Variants in GIPC3 observed in about 807,000 individuals in gnomAD.
GIPC3 encodes the protein PDZ domain-containing protein GIPC3.
A neutral mutation model predicts 27.3 loss-of-function variants in GIPC3; 16 were observed. That is an observed-to-expected ratio of 0.59 (90% CI 0.40 to 0.89). GIPC3 has a LOEUF of 0.89. GIPC3 is among the 40% of genes least tolerant of loss of function. GIPC3 has a pLI of 0.00. For missense variants in GIPC3, 440 were observed against 442.1 expected (o/e 1.00, Z 0.04); for synonymous variants, 194 against 184.6 (o/e 1.05, Z -0.41).
rs1046741766 is a variant in GIPC3 at position 3,591,412 on chromosome 19, C to T, written c.*1222C>T. On this transcript the variant is annotated 3_prime_UTR_variant, in exon 6 of 6. Transcript: ENST00000644452. ...TCCAGAATCCAGGCTAGCTCGGAGA[C>T]CAAGCCCTGCTGGAAAACTCAAGCT... 1.3e-5 allele frequency: 16 copies of T among 1,232,226 alleles called. No individual in the cohort carries two copies. In the African/African-American group the frequency reaches 1.4e-4, roughly 11 times the overall value. 76.3% of individuals were successfully genotyped at this position (1,232,226 alleles called of 1,614,324 possible).
At chr19:3,588,599 C>T (rs1013814323) in intron 3 of GIPC3, among the ~76,000 whole-genome samples, 2 of 137,062 alleles carry the variant, frequency 1.5e-5, no homozygotes, top group African/African-American at 5.8e-5. Context: ...TTTGAGAGGC[C>T]AAGGCAGGTG....
intron 2 of GIPC3, 36 bp downstream of exon 2, chr19:3,586,716 G>A (rs983071681): frequency 6.2e-7 from 1 of 1,610,510 alleles, no homozygotes; most frequent in Non-Finnish European, 8.5e-7. Flanking sequence ...GCTTCCTGGG[G>A]TCCAGCAACT....
Position 3,591,792 on chromosome 19 carries a change from C to G in GIPC3, c.*1602C>G, listed in dbSNP as rs2032491699. ...TACAACCAGGCCCAACTCCAGGATT[C>G]AGACCAGCTCTGGAACCCCATCCAT... On this transcript the variant is annotated 3_prime_UTR_variant, in exon 6 of 6. Transcript: ENST00000644452. 8.1e-7 allele frequency: 1 copy of G among 1,233,772 alleles called. No homozygotes were observed. Among genetic ancestry groups the G allele is most frequent in the Admixed American group, 4.2e-5 (1 of 23,712 alleles). The allele number at this position is 1,233,772 out of a possible 1,614,324, so 76.4% of individuals were successfully genotyped here. A position where few individuals can be genotyped will look rare whatever the true frequency, so the allele number is the denominator to read the frequency against.
Position 3,592,447 on chromosome 19 carries a change from G to A in GIPC3, c.*2257G>A. On this transcript the variant is annotated 3_prime_UTR_variant, in exon 6 of 6. Transcript: ENST00000644452. ...CAGCTGATTTCCGGAGCCCAACCCA[G>A]CTCCAGAACTCAGACTAGTTCTGGA... The A allele has an allele frequency of 2.4e-6, 3 of 1,231,932 alleles. No individual in the cohort carries two copies. The highest frequency in any genetic ancestry group is 3.0e-6 in the Non-Finnish European group (3 of 987,966). The allele number at this position is 1,231,932 out of a possible 1,614,324, so 76.3% of individuals were successfully genotyped here.
chr19:3,590,420 G>C lies in GIPC3; in HGVS notation c.*230G>C. On this transcript the variant is annotated 3_prime_UTR_variant, in exon 6 of 6. Coordinates refer to ENST00000644452, the MANE Select transcript of GIPC3 (RefSeq NM_133261.3). The stretch of plus-strand genomic sequence containing the variant: ...GCTCTGAGACCAAGCCCAGCATTGA[G>C]AATAAGCTCTGTTCTAAAACTCAGG... 1 of 1,431,424 alleles carries C rather than the reference G, an allele frequency of 7.0e-7. No individual in the cohort carries two copies. Among genetic ancestry groups the C allele is most frequent in the South Asian group, 1.5e-5 (1 of 66,392 alleles). The allele number at this position is 1,431,424 out of a possible 1,614,324, so 88.7% of individuals were successfully genotyped here. A position where few individuals can be genotyped will look rare whatever the true frequency, so the allele number is the denominator to read the frequency against.
At position 3,585,613 on chromosome 19, in the gene GIPC3, G is replaced by A; in HGVS notation, c.16G>A (p.Ala6Thr). Residue 6 changes from alanine (A) to threonine (T), a missense_variant, in exon 1 of 6, where the codon GCC (alanine) becomes ACC (threonine). Ala to Thr is a moderately conservative substitution (Grantham distance 58). Coordinates refer to ENST00000644452, the MANE Select transcript of GIPC3 (RefSeq NM_133261.3). MEGAA[A>T]REARGTETPR... is the part of the protein sequence containing the mutation. ...TTCTCCCGCCATGGAGGGAGCAGCGGCCCGGGAGGCCCGGGGGACCGAGAC... is the reference window on the plus strand; with the variant it reads ...TTCTCCCGCCATGGAGGGAGCAGCGACCCGGGAGGCCCGGGGGACCGAGAC... 6 of 1,161,036 alleles carry A rather than the reference G, an allele frequency of 5.2e-6. No homozygotes were observed. The highest frequency in any genetic ancestry group is 6.4e-6 in the Non-Finnish European group (6 of 944,384). 71.9% of individuals were successfully genotyped at this position (1,161,036 alleles called of 1,614,324 possible).
Position 3,585,572 on chromosome 19 carries a change from G to A in GIPC3, c.-26G>A, listed in dbSNP as rs1599861694. On this transcript the variant is annotated 5_prime_UTR_variant, in exon 1 of 6. Coordinates refer to ENST00000644452, the MANE Select transcript of GIPC3 (RefSeq NM_133261.3). The stretch of plus-strand genomic sequence containing the variant: ...GATCCGGCGGCGGCGGCGAGGGCCC[G>A]GGTGGGTGGCCGAACTTCTCCCGCC... 2 of 1,146,146 alleles carry A rather than the reference G, an allele frequency of 1.7e-6. No homozygotes were observed. The highest frequency in any genetic ancestry group is 2.1e-6 in the Non-Finnish European group (2 of 933,542). 71.0% of individuals were successfully genotyped at this position (1,146,146 alleles called of 1,614,324 possible). A position where few individuals can be genotyped will look rare whatever the true frequency, so the allele number is the denominator to read the frequency against.
At position 3,592,229 on chromosome 19, in the gene GIPC3, C is replaced by T. The variant is rs1041353376; in HGVS notation, c.*2039C>T. 6.2e-5 allele frequency: 77 copies of T among 1,232,246 alleles called. No individual in the cohort carries two copies. Among genetic ancestry groups the T allele is most frequent in the East Asian group, 3.2e-4 (10 of 31,704 alleles). The allele number at this position is 1,232,246 out of a possible 1,614,324, so 76.3% of individuals were successfully genotyped here. On this transcript the variant is annotated 3_prime_UTR_variant, in exon 6 of 6. Coordinates refer to ENST00000644452, the MANE Select transcript of GIPC3 (RefSeq NM_133261.3). Reference sequence around the variant, plus strand: ...CTCGACCAGCCTCTGGGACTCAATTCGCCTCTAAAACCCTGCCAGGTTCTA... The same window carrying T: ...CTCGACCAGCCTCTGGGACTCAATTTGCCTCTAAAACCCTGCCAGGTTCTA...
At chr19:3,586,416 C>A in intron 1 of GIPC3, 79 bp from the exon 2 acceptor site, 2 of 1,313,170 alleles carry the variant, frequency 1.5e-6, no homozygotes, top group Non-Finnish European at 2.2e-6. Flanking sequence ...TCGCTGGGGG[C>A]AGGGGCCTGC....
At chr19:3,589,767 G>C in intron 4 of GIPC3, 64 bp from the exon 5 acceptor site, 1 of 1,513,358 alleles carries the variant, frequency 6.6e-7, no homozygotes, top group South Asian at 1.1e-5. Context: ...TGGGGGTCGG[G>C]AGGGGGCTGG....
Position 3,590,150 on chromosome 19 carries a change from T to C in GIPC3, c.899T>C (p.Val300Ala). The change falls in exon 6 of 6, where the codon GTG becomes GCG. Residue 300 changes from valine to alanine, a missense_variant. Coordinates refer to ENST00000644452, the MANE Select transcript of GIPC3 (RefSeq NM_133261.3). ...TTCCCCGACGAGTTTGTGGTGGAAG[T>C]GTGGGCCGCCATCGGCGAGGCCAGA... ...FAFPDEFVVE[V>A]WAAIGEAREA... is the part of the protein sequence containing the mutation. The C allele has an allele frequency of 3.7e-6, 6 of 1,609,862 alleles. No homozygotes were observed. The highest frequency in any genetic ancestry group is 5.1e-6 in the Non-Finnish European group (6 of 1,178,560).
chr19:3,588,716 G>A (rs965341393), intron 3 of GIPC3, among the ~76,000 whole-genome samples: 10 of 151,578 alleles, frequency 6.6e-5, no homozygotes, highest in Admixed American at 4.6e-4. Flanking sequence ...AGGCCAAGGC[G>A]GGTGCATCAC....
intron 3 of GIPC3, 30 bp downstream of exon 3, chr19:3,587,024 C>T (rs1445971774): frequency 6.3e-7 from 1 of 1,595,214 alleles, no homozygotes; most frequent in Admixed American, 1.7e-5. Context: ...GGGAGCTCTT[C>T]CCGAAGTGCG....
rs1250891393 is a variant in GIPC3 at position 3,591,907 on chromosome 19, C to T, written c.*1717C>T. 2 of 1,232,366 alleles carry T rather than the reference C, an allele frequency of 1.6e-6. No individual in the cohort carries two copies. The highest frequency in any genetic ancestry group is 3.2e-5 in the East Asian group (1 of 31,718). The allele number at this position is 1,232,366 out of a possible 1,614,324, so 76.3% of individuals were successfully genotyped here. A position where few individuals can be genotyped will look rare whatever the true frequency, so the allele number is the denominator to read the frequency against. ...CAGCTCAGCTCTAGAATGCAGTTTA[C>T]TTCCAGGACCCAGACCAATTTCAAG... is the stretch of plus-strand genomic sequence containing the variant. On this transcript the variant is annotated 3_prime_UTR_variant, in exon 6 of 6. Coordinates refer to ENST00000644452, the MANE Select transcript of GIPC3 (RefSeq NM_133261.3).
At chr19:3,585,933 T>C (rs1057001027) in intron 1 of GIPC3, 111 bp downstream of exon 1, 175 of 1,452,272 alleles carry the variant, frequency 1.2e-4, no homozygotes, top group Non-Finnish European at 2.3e-5. Context: ...GACGTCGGGG[T>C]GGCCGCCTAA....
chr19:3,589,538 G>A lies in GIPC3; in HGVS notation c.688G>A (p.Ala230Thr). 6.2e-7 allele frequency: 1 copy of A among 1,613,564 alleles called. No homozygotes were observed. Among genetic ancestry groups the A allele is most frequent in the Non-Finnish European group, 8.5e-7 (1 of 1,179,652 alleles). The change falls in exon 4 of 6, where the codon GCC (alanine) becomes ACC (threonine). Residue 230 changes from alanine to threonine, a missense_variant. Ala to Thr is a moderately conservative substitution (Grantham distance 58). Transcript: ENST00000644452. Reference sequence around the variant, plus strand: ...CCTGCGGCTTCGTTCTGGGGGGGCTGCCACAGTGGAGGAAGCGGTGAGTGA... The same window carrying A: ...CCTGCGGCTTCGTTCTGGGGGGGCTACCACAGTGGAGGAAGCGGTGAGTGA... ...ETLRLRSGGA[A>T]TVEEAPSEFE...
Position 3,591,948 on chromosome 19 carries a change from A to G in GIPC3, c.*1758A>G. 8.1e-7 allele frequency: 1 copy of G among 1,232,304 alleles called. No individual in the cohort carries two copies. The highest frequency in any genetic ancestry group is 3.1e-4 in the Middle Eastern group (1 of 3,212). 76.3% of individuals were successfully genotyped at this position (1,232,304 alleles called of 1,614,324 possible). ...CAATTTCAAGGCCTGGCCAAGCTCC[A>G]GAGCTCAATCCAGCCCAAGCACCGC... On this transcript the variant is annotated 3_prime_UTR_variant, in exon 6 of 6. Transcript: ENST00000644452.
Position 3,589,903 on chromosome 19 carries a change from C to T in GIPC3, c.778C>T (p.Pro260Ser), listed in dbSNP as rs2145274395. 1 of 1,613,820 alleles carries T rather than the reference C, an allele frequency of 6.2e-7. No individual in the cohort carries two copies. The highest frequency in any genetic ancestry group is 8.5e-7 in the Non-Finnish European group (1 of 1,180,008). The change falls in exon 5 of 6, where the codon CCC becomes TCC. Residue 260 changes from proline (P) to serine (S), a missense_variant. Transcript: ENST00000644452. The stretch of plus-strand genomic sequence containing the variant: ...GGAAAGCTACATGGGCATTCGGGAC[C>T]CCGAGCTGGGTAAGGGGCCAGGGTA... ...LLESYMGIRD[P>S]ELASTMVETS...
rs1296655883 is a variant in GIPC3 at position 3,593,441 on chromosome 19, C to T, written c.*3251C>T. The T allele has an allele frequency of 3.2e-6, 2 of 620,964 alleles. No homozygotes were observed. The allele number at this position is 620,964 out of a possible 1,614,324, so 38.5% of individuals were successfully genotyped here. ...AAAACAGGGGCTTCACCGGTCCTGG[C>T]TCAGATCCAGGTCCTTGGAGGGAAA... On this transcript the variant is annotated 3_prime_UTR_variant, in exon 6 of 6. Coordinates refer to ENST00000644452, the MANE Select transcript of GIPC3 (RefSeq NM_133261.3).
Sources: gnomAD v4.1 joint callset for allele counts (sites outside exome capture counted in the v4.1 genomes callset) on GRCh38, gnomAD v4.1.1 for gene constraint, MANE v1.5 for transcripts, NCBI Gene and HGNC (gene_info 2026-07-23, HGNC 2026-07-21) for gene names.